Variants in ZNF415 observed in about 807,000 individuals in gnomAD.
ZNF415 encodes the protein zinc finger protein 415.
A neutral mutation model predicts 7.3 loss-of-function variants in ZNF415; 5 were observed. The ratio of observed to expected loss-of-function variants is 0.69; its 90% confidence interval spans 0.36 to 1.44. The LOEUF is 1.44. ZNF415 is among the 40% of genes most tolerant of loss of function. ZNF415 has a pLI of 0.04. For synonymous variants in ZNF415, 207 were observed against 226.3 expected (o/e 0.91, Z 0.77); for missense variants, 628 against 664.8 (o/e 0.94, Z 0.61).
intron 3 of ZNF415, 191 bp downstream of exon 3, chr19:53,116,122 C>A: frequency 1.5e-6 from 1 of 681,488 alleles, no homozygotes; most frequent in Non-Finnish European, 2.5e-6. Flanking sequence ...ACTGTTGTAT[C>A]ATGAAGGGGT....
rs58567730 is a variant in ZNF415, at chr19:53,117,441, C to CA, written c.16-1009dup. Reference sequence around the variant, plus strand: ...GGGCAACAAGGGCGAAATTCCGTCTCAAAAAAAAAAAAGAAAGAAAGAGAA... The same window carrying CA: ...GGGCAACAAGGGCGAAATTCCGTCTCAAAAAAAAAAAAAGAAAGAAAGAGAA... On this transcript the variant is annotated intron_variant, in intron 2 of 3. Transcript: ENST00000243643. Among the ~76,000 whole-genome samples the CA allele has an allele frequency of 8.4e-4, 104 of 123,398 alleles. 1 individual carries two copies. Among genetic ancestry groups the CA allele is most frequent in the East Asian group, 2.3e-3 (10 of 4,346 alleles). The allele number at this position is 123,398 out of a possible 152,430, so 81.0% of individuals were successfully genotyped here.
Position 53,108,752 on chromosome 19 carries a change from C to G in ZNF415, c.1293G>C (p.Arg431=). 6.2e-7 allele frequency: 1 copy of G among 1,614,190 alleles called. No individual in the cohort carries two copies. Among genetic ancestry groups the G allele is most frequent in the Non-Finnish European group, 8.5e-7 (1 of 1,180,032 alleles). ...AAGGTTTCTCTCCAGTATGAACTCTCCGATGACTCGCAAGGTGTGAATTGT... is the reference window on the plus strand; with the variant it reads ...AAGGTTTCTCTCCAGTATGAACTCTGCGATGACTCGCAAGGTGTGAATTGT... ...FSYNSHLASH[R]RVHTGEKPYK... is the part of the protein sequence containing the mutation. Residue 431 remains arginine (R), a synonymous_variant, in exon 4 of 4, where the codon CGG becomes CGC. Transcript: ENST00000243643.
Position 53,108,653 on chromosome 19 carries a change from T to A in ZNF415, c.1392A>T (p.Gly464=). ...NLTTHQVIHT[G]EKPYKCNQCG... is the part of the protein sequence containing the mutation. The stretch of plus-strand genomic sequence containing the variant: ...ATTGATTACATTTGTAAGGCTTCTC[T>A]CCAGTATGGATGACCTGATGGGTAG... The change falls in exon 4 of 4, where the codon GGA becomes GGT. Residue 464 remains glycine (G), a synonymous_variant. Transcript: ENST00000243643. 3 of 1,614,206 alleles carry A rather than the reference T, an allele frequency of 1.9e-6. No individual in the cohort carries two copies. Among genetic ancestry groups the A allele is most frequent in the Non-Finnish European group, 2.5e-6 (3 of 1,180,032 alleles).
chr19:53,116,567 G>T, intron 2 of ZNF415, 134 bp from the exon 3 acceptor site: 1 of 1,125,346 alleles, frequency 8.9e-7, no homozygotes, highest in Non-Finnish European at 1.3e-6. Context: ...CCACACTAAG[G>T]TATTTTTGAG....
At chr19:53,125,195 C>T (rs751678691) in intron 1 of ZNF415, among the ~76,000 whole-genome samples, 82 of 152,056 alleles carry the variant, frequency 5.4e-4, no homozygotes, top group Non-Finnish European at 3.4e-4. Context: ...AGGCACATGC[C>T]ACCATGCCCG....
intron 3 of ZNF415, among the ~76,000 whole-genome samples, chr19:53,112,793 T>C (rs751703318): frequency 1.3e-5 from 2 of 152,074 alleles, no homozygotes; most frequent in Admixed American, 6.6e-5. Context: ...ACAGTTACAA[T>C]TCTGACCTTG....
chr19:53,129,687 A>G (rs184917981), intron 1 of ZNF415: 7 of 397,856 alleles, frequency 1.8e-5, no homozygotes, highest in Non-Finnish European at 4.4e-6. Flanking sequence ...GTTGAGTGAG[A>G]AGGAGGAGAT....
chr19:53,130,452 A>AT (rs2089914117), intron 1 of ZNF415, among the ~76,000 whole-genome samples: 1 of 152,062 alleles, frequency 6.6e-6, no homozygotes, highest in Non-Finnish European at 1.5e-5. Flanking sequence ...GAGCTAAAAA[A>AT]ATTGAAAACA....
chr19:53,129,362 AC>A (rs1462975503), intron 1 of ZNF415, among the ~76,000 whole-genome samples: 1 of 152,112 alleles, frequency 6.6e-6, no homozygotes, highest in African/African-American at 2.4e-5. Flanking sequence ...GACTGACGTG[AC>A]CTGCTTTAGA....
chr19:53,108,769 G>GTAAC lies in ZNF415; in HGVS notation c.1275_1276insGTTA (p.His426ValfsTer19). ...TGAACTCTCCGATGACTCGCAAGGT[G>GTAAC]TGAATTGTAACTGAAAACCTTACCA... On this transcript the variant is annotated frameshift_variant, in exon 4 of 4. Coordinates refer to ENST00000243643, the MANE Select transcript of ZNF415 (RefSeq NM_018355.4). LOFTEE classifies it low-confidence loss of function (END_TRUNC). 1 of 1,612,822 alleles carries GTAAC rather than the reference G, an allele frequency of 6.2e-7. No individual in the cohort carries two copies. The highest frequency in any genetic ancestry group is 8.5e-7 in the Non-Finnish European group (1 of 1,179,282).
intron 3 of ZNF415, chr19:53,115,480 G>A: frequency 1.8e-6 from 1 of 563,166 alleles, no homozygotes; most frequent in Non-Finnish European, 3.2e-6. Flanking sequence ...ATCATGATGA[G>A]CACTTCCATT....
chr19:53,118,530 C>G (rs2087417191), intron 2 of ZNF415, among the ~76,000 whole-genome samples: 1 of 152,150 alleles, frequency 6.6e-6, no homozygotes, highest in South Asian at 2.1e-4. Flanking sequence ...TTCTCCAAGA[C>G]AGACTACATA....
intron 1 of ZNF415, among the ~76,000 whole-genome samples, chr19:53,132,407 C>G (rs1340949582): frequency 6.6e-6 from 1 of 152,040 alleles, no homozygotes; most frequent in Non-Finnish European, 1.5e-5. Flanking sequence ...AGCAGCGGGG[C>G]CCGGCACGAG....
At chr19:53,117,324 C>T (rs1023395162) in intron 2 of ZNF415, among the ~76,000 whole-genome samples, 1 of 151,828 alleles carries the variant, frequency 6.6e-6, no homozygotes, top group Admixed American at 6.6e-5. Context: ...GCCTGTAATC[C>T]CAGCTACTCG....
At position 53,108,348 on chromosome 19, in the gene ZNF415, T is replaced by A. The variant is rs2085682700; in HGVS notation, c.*29A>T. ...ATAAATTCTTTGATGACTCACAGGA[T>A]TTAAACTTTGACTGAAGACCTTGCC... On this transcript the variant is annotated 3_prime_UTR_variant, in exon 4 of 4. Transcript: ENST00000243643. The A allele has an allele frequency of 1.9e-6, 3 of 1,562,772 alleles. No individual in the cohort carries two copies. The highest frequency in any genetic ancestry group is 1.9e-5 in the Admixed American group (1 of 51,622).
intron 2 of ZNF415, among the ~76,000 whole-genome samples, chr19:53,117,162 C>T (rs1285788330): frequency 1.3e-5 from 2 of 152,174 alleles, no homozygotes; most frequent in Non-Finnish European, 1.5e-5. Context: ...GAGAATTCGG[C>T]TGGGCGTGGT....
chr19:53,127,704 C>A (rs7247648), intron 1 of ZNF415, among the ~76,000 whole-genome samples: 5 of 151,666 alleles, frequency 3.3e-5, no homozygotes, highest in African/African-American at 7.3e-5. Flanking sequence ...TGGTGAAACC[C>A]CGTCTTTACT....
intron 1 of ZNF415, among the ~76,000 whole-genome samples, chr19:53,125,388 G>A (rs1360388301): frequency 6.6e-6 from 1 of 151,190 alleles, no homozygotes; most frequent in Non-Finnish European, 1.5e-5. Flanking sequence ...AGGCTAGAGT[G>A]CAGTGATGTG....
At chr19:53,118,321 T>G (rs185561391) in intron 2 of ZNF415, among the ~76,000 whole-genome samples, 3 of 152,334 alleles carry the variant, frequency 2.0e-5, no homozygotes, top group African/African-American at 4.8e-5. Context: ...CGAATATTAT[T>G]AGATTTAAAG....
Sources: allele counts gnomAD v4.1 joint callset (sites outside exome capture counted in the v4.1 genomes callset), GRCh38; gene constraint gnomAD v4.1.1; transcripts MANE v1.5; gene names NCBI Gene and HGNC (gene_info 2026-07-23, HGNC 2026-07-21).